MED23: variants seen among roughly 807,000 people sequenced by gnomAD.
MED23 encodes the protein mediator of RNA polymerase II transcription subunit 23.
In MED23, 105 loss-of-function variants were observed where a neutral mutation model predicts 163.9. The observed-to-expected ratio is 0.64, with a 90% CI of 0.55 to 0.75. The LOEUF is 0.75. Among genes scored for constraint, MED23 ranks in the 30% least tolerant of loss-of-function variants. The pLI is 0.00. For synonymous variants in MED23, 561 were observed against 565.6 expected, an observed-to-expected ratio of 0.99 and a Z score of 0.12; for missense variants, 1,054 against 1,649.0, an observed-to-expected ratio of 0.64 and a Z score of 6.25.
intron 14 of MED23, among the ~76,000 whole-genome samples, chr6:131,605,016 C>T (rs1038883886): frequency 3.9e-5 from 6 of 152,134 alleles, no homozygotes; most frequent in Non-Finnish European, 2.9e-5. Context: ...TTTTATAATG[C>T]TTATCTCTCA....
At chr6:131,579,397 T>C in intron 30 of MED23, 1 of 1,292,166 alleles carries the variant, frequency 7.7e-7, no homozygotes, top group Non-Finnish European at 1.1e-6. Flanking sequence ...CTATATTTTA[T>C]ATCAAATTTT....
At chr6:131,622,020 T>A (rs751522295) in intron 5 of MED23, 41 bp from the exon 6 acceptor site, 1 of 1,427,600 alleles carries the variant, frequency 7.0e-7, no homozygotes, top group Admixed American at 1.7e-5. Flanking sequence ...TTAAGTAGTG[T>A]CTACTGTGTT....
chr6:131,609,748 A>G (rs533354321), intron 11 of MED23, among the ~76,000 whole-genome samples: 41 of 139,738 alleles, frequency 2.9e-4, no homozygotes, highest in South Asian at 6.4e-4. Flanking sequence ...ATATATATGT[A>G]TATATATATA....
At chr6:131,612,283 C>CA (rs200234922) in intron 10 of MED23, among the ~76,000 whole-genome samples, 1,476 of 124,006 alleles carry the variant, frequency 0.012, 26 homozygotes, top group African/African-American at 0.036. Flanking sequence ...TTGGTAACAT[C>CA]AAAAAAAAAA....
downstream of MED23, chr6:131,583,302 T>A (rs978746728): frequency 9.3e-6 from 15 of 1,612,154 alleles, no homozygotes; most frequent in Non-Finnish European, 1.3e-5. Flanking sequence ...TTATTATCTA[T>A]GAAATGTGAA....
At chr6:131,616,316 C>T (rs938042927) in intron 9 of MED23, among the ~76,000 whole-genome samples, 44 of 152,242 alleles carry the variant, frequency 2.9e-4, no homozygotes, top group African/African-American at 8.2e-4. Context: ...TCCCTGAAAA[C>T]GCAGAAGGTT....
chr6:131,621,799 C>A lies in MED23; in HGVS notation c.495+82G>T, dbSNP rs948255530. 38 of 769,996 alleles carry A rather than the reference C, an allele frequency of 4.9e-5. No homozygotes were observed. In the African/African-American group the frequency reaches 6.5e-4, roughly 13 times the overall value. 47.7% of individuals were successfully genotyped at this position (769,996 alleles called of 1,614,324 possible). A position where few individuals can be genotyped will look rare whatever the true frequency, so the allele number is the denominator to read the frequency against. On this transcript the variant is annotated intron_variant, in intron 6 of 28. Transcript: ENST00000368068. Reference sequence around the variant, plus strand: ...AGAAATAGAGCATCTCACAAAATACCGTAAGTATTAAAAGCACAGACCTAA... The same window carrying A: ...AGAAATAGAGCATCTCACAAAATACAGTAAGTATTAAAAGCACAGACCTAA...
At chr6:131,622,840 T>C (rs1777206073) in intron 5 of MED23, among the ~76,000 whole-genome samples, 2 of 152,212 alleles carry the variant, frequency 1.3e-5, no homozygotes, top group South Asian at 4.1e-4. Context: ...AAAAGTCTCC[T>C]GAAGATGCAG....
chr6:131,589,733 C>CTCTA (rs1376130909), intron 27 of MED23, 137 bp from the exon 28 acceptor site: 2 of 775,478 alleles, frequency 2.6e-6, no homozygotes, highest in Non-Finnish European at 4.5e-6. Flanking sequence ...CCATATACAC[C>CTCTA]TCTATGCACA....
In MED23 at chr6:131,594,117, T is replaced by C. The variant is rs1476043413; in HGVS notation, c.3214A>G (p.Ile1072Val). Residue 1072 changes from isoleucine (I) to valine (V), a missense_variant, in exon 23 of 29, where the codon ATT becomes GTT. This residue lies in a region of MED23 where 362 missense variants were observed against 471.6 expected (regional missense o/e 0.77). Coordinates refer to ENST00000368068, the MANE Select transcript of MED23 (RefSeq NM_004830.4). ...VPDDTYYCRL[I>V]GRLVDTMAGK... is the part of the protein sequence containing the mutation. ...AGGATATTATCGACTAGTCTGCCAA[T>C]CAATCTGCAATAGTAGGTGTCATCT... 6.2e-7 allele frequency: 1 copy of C among 1,613,828 alleles called. No homozygotes were observed. Among genetic ancestry groups the C allele is most frequent in the Non-Finnish European group, 8.5e-7 (1 of 1,179,746 alleles).
At position 131,628,039 on chromosome 6, in the gene MED23, T is replaced by A; in HGVS notation, c.11A>T (p.Gln4Leu). 6.2e-7 allele frequency: 1 copy of A among 1,614,032 alleles called. No homozygotes were observed. Residue 4 changes from glutamine (Q) to leucine (L), a missense_variant, in exon 1 of 29, where the codon CAA becomes CTA. Coordinates refer to ENST00000368068, the MANE Select transcript of MED23 (RefSeq NM_004830.4). ...CACCTCTTCGAAAATGCTCTGCAGT[T>A]GCGTCTCCATCTGTACTATCACCCC... MET[Q>L]LQSIFEEVVK... is the part of the protein sequence containing the mutation.
chr6:131,595,413 T>C (rs1774972949), intron 22 of MED23, among the ~76,000 whole-genome samples: 1 of 152,208 alleles, frequency 6.6e-6, no homozygotes, highest in Admixed American at 6.5e-5. Flanking sequence ...TGAAATAATG[T>C]TTCCTATGCC....
chr6:131,603,231 C>G (rs1001277992), intron 15 of MED23, 27 bp from the exon 16 acceptor site: 2 of 1,608,508 alleles, frequency 1.2e-6, no homozygotes, highest in Non-Finnish European at 1.7e-6. Flanking sequence ...ATTTAAGGTA[C>G]CAATTATTAA....
downstream of MED23, chr6:131,582,661 T>C: frequency 1.2e-6 from 2 of 1,613,962 alleles, no homozygotes; most frequent in Non-Finnish European, 1.7e-6. Context: ...ACTCCCTGTA[T>C]ATCTGCCAAG....
In MED23 at chr6:131,627,662, A is replaced by G. The variant is rs769146326; in HGVS notation, c.50T>C (p.Val17Ala). ...TCACCCAGGAAAAGCCTCTTCTATAACTTCCGTTTTCTGTAAAAAAAAAAA... is the reference window on the plus strand; with the variant it reads ...TCACCCAGGAAAAGCCTCTTCTATAGCTTCCGTTTTCTGTAAAAAAAAAAA... ...SIFEEVVKTE[V>A]IEEAFPGMFM... Residue 17 changes from valine (V) to alanine (A), a missense_variant, in exon 2 of 29, where the codon GTT becomes GCT. By Grantham distance (64) the Val-to-Ala change is moderately conservative. Coordinates refer to ENST00000368068, the MANE Select transcript of MED23 (RefSeq NM_004830.4). 2 of 1,599,262 alleles carry G rather than the reference A, an allele frequency of 1.3e-6. No homozygotes were observed. Among genetic ancestry groups the G allele is most frequent in the South Asian group, 2.3e-5 (2 of 88,472 alleles).
chr6:131,614,730 T>C (rs1022913198), intron 10 of MED23, among the ~76,000 whole-genome samples: 1 of 152,140 alleles, frequency 6.6e-6, no homozygotes, highest in African/African-American at 2.4e-5. Context: ...TCAATCCCCA[T>C]GTTTCCAAAA....
chr6:131,604,351 A>G (rs925470325), intron 14 of MED23, 31 bp from the exon 15 acceptor site: 10 of 1,611,390 alleles, frequency 6.2e-6, no homozygotes, highest in South Asian at 1.1e-5. Context: ...GAAAATAAAA[A>G]TCCATATTTT....
At position 131,596,129 on chromosome 6, in the gene MED23, G is replaced by A. The variant is rs776987373; in HGVS notation, c.2813C>T (p.Ala938Val). Residue 938 changes from alanine (A) to valine (V), a missense_variant, in exon 22 of 29, where the codon GCG becomes GTG. By Grantham distance (64) the Ala-to-Val change is moderately conservative. This residue lies in a region of MED23 where 228 missense variants were observed against 461.3 expected (regional missense o/e 0.49). Coordinates refer to ENST00000368068, the MANE Select transcript of MED23 (RefSeq NM_004830.4). ...CTGTACAGGAGGATCCACCTGTTCC[G>A]CGAGGCCCTCAAAATACAACTTCTC... Reference protein sequence around the residue: ...YPEKLYFEGLAEQVDPPVQIQ... With the variant: ...YPEKLYFEGLVEQVDPPVQIQ... The A allele has an allele frequency of 1.1e-5, 18 of 1,613,968 alleles. No individual in the cohort carries two copies. The highest frequency in any genetic ancestry group is 1.7e-5 in the Admixed American group (1 of 59,988).
intron 30 of MED23, chr6:131,576,574 T>A: frequency 7.9e-7 from 1 of 1,264,696 alleles, no homozygotes; most frequent in Admixed American, 1.7e-5. Context: ...TAGTTACAGT[T>A]CAACTGATTA....
Sources: allele counts gnomAD v4.1 joint callset (sites outside exome capture counted in the v4.1 genomes callset), GRCh38; gene constraint gnomAD v4.1.1; regional missense constraint gnomAD v4.1.1; transcripts MANE v1.5; gene names NCBI Gene and HGNC (gene_info 2026-07-23, HGNC 2026-07-21).